Variants in CSMD1 observed in about 807,000 individuals in gnomAD.
The protein encoded by CSMD1 is CUB and sushi domain-containing protein 1.
In CSMD1, 213 loss-of-function variants were observed where a neutral mutation model predicts 417.5. The observed-to-expected ratio is 0.51, with a 90% CI of 0.46 to 0.57. The LOEUF is 0.57. CSMD1 is among the 20% of genes least tolerant of loss of function. CSMD1 has a pLI of 0.00. For missense variants in CSMD1, 6,923 were observed against 4,529.7 expected (o/e 1.53, Z -15.17); for synonymous variants, 2,862 against 1,736.8 (o/e 1.65, Z -16.11).
At chr8:4,609,632 A>G (rs552442782) in intron 2 of CSMD1, among the ~76,000 whole-genome samples, 1 of 152,312 alleles carries the variant, frequency 6.6e-6, no homozygotes, top group African/African-American at 2.4e-5. Flanking sequence ...TATTTTTGAC[A>G]TCCCATTCTT....
At chr8:4,624,499 C>A (rs554774404) in intron 2 of CSMD1, among the ~76,000 whole-genome samples, 2 of 152,238 alleles carry the variant, frequency 1.3e-5, no homozygotes, top group East Asian at 3.9e-4. Context: ...GTTGCAAGCG[C>A]TGCTACACAG....
intron 50 of CSMD1, among the ~76,000 whole-genome samples, chr8:3,049,994 A>G (rs1221616486): frequency 4.6e-5 from 7 of 152,130 alleles, no homozygotes; most frequent in Admixed American, 4.6e-4. Flanking sequence ...CATTTTATAA[A>G]GTGACCTTGT....
At chr8:4,423,309 T>C (rs940507389) in intron 2 of CSMD1, among the ~76,000 whole-genome samples, 2 of 152,002 alleles carry the variant, frequency 1.3e-5, no homozygotes, top group African/African-American at 2.4e-5. Flanking sequence ...TTATAGAAAA[T>C]GCCAAGGAAT....
chr8:3,610,268 G>T (rs529219283), intron 8 of CSMD1, among the ~76,000 whole-genome samples: 1 of 152,084 alleles, frequency 6.6e-6, no homozygotes, highest in Non-Finnish European at 1.5e-5. Flanking sequence ...GGCTGGGCAC[G>T]GTATCAGTAA....
At chr8:3,752,239 A>G (rs951316420) in intron 6 of CSMD1, among the ~76,000 whole-genome samples, 5 of 152,180 alleles carry the variant, frequency 3.3e-5, no homozygotes, top group Non-Finnish European at 7.4e-5. Flanking sequence ...GGGAAAGCAC[A>G]TTAATTTCAC....
chr8:4,581,915 G>T (rs1799437924), intron 2 of CSMD1, among the ~76,000 whole-genome samples: 1 of 152,142 alleles, frequency 6.6e-6, no homozygotes, highest in South Asian at 2.1e-4. Flanking sequence ...ATCAACTTGA[G>T]TCTCACAGTA....
At chr8:4,435,824 G>A (rs1234521904) in intron 2 of CSMD1, among the ~76,000 whole-genome samples, 3 of 152,198 alleles carry the variant, frequency 2.0e-5, no homozygotes, top group African/African-American at 4.8e-5. Flanking sequence ...CACCTTCAGG[G>A]CAGGGTGTGT....
intron 1 of CSMD1, among the ~76,000 whole-genome samples, chr8:4,878,404 T>C (rs1393332791): frequency 6.6e-6 from 1 of 152,054 alleles, no homozygotes; most frequent in Admixed American, 6.6e-5. Flanking sequence ...TTTCATTTTG[T>C]AGAAAGTATT....
rs534400309 is a variant in CSMD1 at position 4,226,487 on chromosome 8, G to C, written c.415+193466C>G. ...TACTTGCAATTTAGAAATTTTACAG[G>C]ACTTTGCAGTAACAGAACCTATAAT... On this transcript the variant is annotated intron_variant, in intron 3 of 69. Transcript: ENST00000635120. Among the ~76,000 whole-genome samples, 55 of 152,198 alleles carry C rather than the reference G, an allele frequency of 3.6e-4. No homozygotes were observed. The South Asian group carries it at 0.011, about 30-fold the overall frequency.
At chr8:3,126,156 A>G (rs1817497824) in intron 41 of CSMD1, among the ~76,000 whole-genome samples, 1 of 152,190 alleles carries the variant, frequency 6.6e-6, no homozygotes, top group Admixed American at 6.5e-5. Context: ...CAGGAGGCTC[A>G]TTTCTTCATT....
chr8:3,066,654 G>A lies in CSMD1; in HGVS notation c.7475-14007C>T, dbSNP rs553152104. Among the ~76,000 whole-genome samples the A allele has an allele frequency of 7.9e-5, 12 of 152,240 alleles. No individual in the cohort carries two copies. The East Asian group carries it at 2.1e-3, about 27-fold the overall frequency. On this transcript the variant is annotated intron_variant, in intron 49 of 69. Transcript: ENST00000635120. ...AATAATCACCTGTTTTAAAAACACA[G>A]GACACAATCGTATTTGTCAAATGGC...
intron 1 of CSMD1, among the ~76,000 whole-genome samples, chr8:4,804,979 T>A (rs1390424469): frequency 2.0e-5 from 3 of 152,208 alleles, no homozygotes; most frequent in Non-Finnish European, 4.4e-5. Flanking sequence ...TTCCACTTCC[T>A]GGTAAACACA....
intron 37 of CSMD1, among the ~76,000 whole-genome samples, chr8:3,166,621 A>C (rs1820233888): frequency 6.6e-6 from 1 of 152,228 alleles, no homozygotes; most frequent in Non-Finnish European, 1.5e-5. Context: ...GTTTGCATTG[A>C]TTGAAAGTGA....
chr8:3,953,224 G>A (rs540880834), intron 5 of CSMD1, among the ~76,000 whole-genome samples: 58 of 152,076 alleles, frequency 3.8e-4, no homozygotes, highest in Non-Finnish European at 4.1e-4. Flanking sequence ...TTAAAATCAA[G>A]AAAATATATA....
chr8:3,473,569 G>A (rs994512893), intron 11 of CSMD1, among the ~76,000 whole-genome samples: 2 of 152,082 alleles, frequency 1.3e-5, no homozygotes, highest in African/African-American at 2.4e-5. Context: ...CAATATTGTT[G>A]CCCTTTGCAA....
At chr8:3,309,132 A>G (rs1805124572) in intron 23 of CSMD1, among the ~76,000 whole-genome samples, 1 of 151,440 alleles carries the variant, frequency 6.6e-6, no homozygotes, top group African/African-American at 2.5e-5. Context: ...GACCTCTAGG[A>G]ACGGGATACT....
Position 2,938,433 on chromosome 8 carries a change from A to C in CSMD1, c.*152T>G. 1.2e-5 allele frequency: 8 copies of C among 691,010 alleles called. No individual in the cohort carries two copies. Among genetic ancestry groups the C allele is most frequent in the Non-Finnish European group, 1.9e-5 (8 of 422,584 alleles). 42.8% of individuals were successfully genotyped at this position (691,010 alleles called of 1,614,324 possible). ...GTAGAAGACCCTGACACATTTGAGT[A>C]GAGATCCCCGCTGCACTTATGCCAG... On this transcript the variant is annotated 3_prime_UTR_variant, in exon 70 of 70. Coordinates refer to ENST00000635120, the MANE Select transcript of CSMD1 (RefSeq NM_033225.6).
chr8:3,479,317 G>A (rs879613102), intron 11 of CSMD1, among the ~76,000 whole-genome samples: 3 of 152,064 alleles, frequency 2.0e-5, no homozygotes, highest in Non-Finnish European at 4.4e-5. Context: ...TTTCACTCTT[G>A]TCACCCAGGC....
intron 1 of CSMD1, among the ~76,000 whole-genome samples, chr8:4,734,275 G>T (rs1379003356): frequency 1.3e-5 from 2 of 152,136 alleles, no homozygotes; most frequent in African/African-American, 4.8e-5. Context: ...TTTAAAAAAT[G>T]TGATATATTG....
Sources: allele counts gnomAD v4.1 joint callset (sites outside exome capture counted in the v4.1 genomes callset), GRCh38; gene constraint gnomAD v4.1.1; transcripts MANE v1.5; gene names NCBI Gene and HGNC (gene_info 2026-07-23, HGNC 2026-07-21).